The following MLLT3 variants were observed in gnomAD, a reference collection of about 807,000 sequenced individuals.
MLLT3 encodes the protein protein AF-9.
In MLLT3, 4 loss-of-function variants were observed where a neutral mutation model predicts 53.2. The observed-to-expected ratio is 0.08, with a 90% CI of 0.04 to 0.17. MLLT3 has a LOEUF of 0.17. MLLT3 is among the 10% of genes least tolerant of loss of function. The pLI is 1.00. For synonymous variants in MLLT3, 283 were observed against 230.6 expected (o/e 1.23, Z -2.06); for missense variants, 569 against 684.0 (o/e 0.83, Z 1.87).
chr9:20,373,320 T>A (rs1230893132), intron 5 of MLLT3, among the ~76,000 whole-genome samples: 2 of 152,194 alleles, frequency 1.3e-5, no homozygotes, highest in Admixed American at 6.5e-5. Context: ...TGCAATACAA[T>A]CTTCAACATT....
chr9:20,540,844 C>G (rs1053130902), intron 2 of MLLT3, among the ~76,000 whole-genome samples: 2 of 152,202 alleles, frequency 1.3e-5, no homozygotes, highest in Non-Finnish European at 2.9e-5. Flanking sequence ...TTCTTTTCTA[C>G]GACATGGTCA....
rs1389721091 is a variant in MLLT3, at chr9:20,566,010, AT to A, written c.193+54643del. Among the ~76,000 whole-genome samples the A allele has an allele frequency of 2.0e-3, 254 of 126,294 alleles. 4 individuals are homozygous for A. Among genetic ancestry groups the A allele is most frequent in the African/African-American group, 6.7e-3 (224 of 33,602 alleles). The allele number at this position is 126,294 out of a possible 152,430, so 82.9% of individuals were successfully genotyped here. On this transcript the variant is annotated intron_variant, in intron 2 of 10. Coordinates refer to ENST00000380338, the MANE Select transcript of MLLT3 (RefSeq NM_004529.4). ...TATTTATATATTTATTTATATATAT[AT>A]TTTTATATATATTTATTTATATTTA...
At chr9:20,484,765 T>C (rs1242049987) in intron 2 of MLLT3, among the ~76,000 whole-genome samples, 1 of 152,080 alleles carries the variant, frequency 6.6e-6, no homozygotes, top group African/African-American at 2.4e-5. Context: ...CCTAATATGG[T>C]GCTTAACCCA....
chr9:20,365,203 C>T (rs1419859361), intron 6 of MLLT3, among the ~76,000 whole-genome samples: 1 of 152,124 alleles, frequency 6.6e-6, no homozygotes, highest in Non-Finnish European at 1.5e-5. Context: ...TAGAGCCTTG[C>T]CTCGTACATC....
Position 20,621,556 on chromosome 9 carries a change from A to G in MLLT3, c.12+689T>C, listed in dbSNP as rs963543704. Among the ~76,000 whole-genome samples the G allele has an allele frequency of 6.7e-6, 1 of 150,146 alleles. No individual in the cohort carries two copies. The highest frequency in any genetic ancestry group is 1.5e-5 in the Non-Finnish European group (1 of 67,394). On this transcript the variant is annotated intron_variant, in intron 1 of 10. Transcript: ENST00000380338. This position sits in a 1 kb window ranked among gnomAD's most constrained non-coding sequence, Gnocchi z 7.0. The stretch of plus-strand genomic sequence containing the variant: ...GCGATCGGCGAGGCCAGTCGAACCG[A>G]GCCCCCGCAACACACTTTCAAGAGC...
chr9:20,365,793 C>A lies in MLLT3; in HGVS notation c.1126-49G>T, dbSNP rs773927827. 5 of 1,589,300 alleles carry A rather than the reference C, an allele frequency of 3.1e-6. No individual in the cohort carries two copies. The Admixed American group carries it at 8.4e-5, about 27-fold the overall frequency. ...CCATCAATAAATTTACGGGATACCACACATCTAAAGTTGAAAACAGTATTG... is the reference window on the plus strand; with the variant it reads ...CCATCAATAAATTTACGGGATACCAAACATCTAAAGTTGAAAACAGTATTG... On this transcript the variant is annotated intron_variant, in intron 5 of 10. Transcript: ENST00000380338.
chr9:20,426,368 G>A (rs1312161102), intron 4 of MLLT3, among the ~76,000 whole-genome samples: 1 of 152,106 alleles, frequency 6.6e-6, no homozygotes, highest in African/African-American at 2.4e-5. Flanking sequence ...GTACTAGCTT[G>A]ATTTCTGATA....
intron 4 of MLLT3, among the ~76,000 whole-genome samples, chr9:20,441,152 G>A (rs1435628182): frequency 6.6e-6 from 1 of 152,056 alleles, no homozygotes; most frequent in East Asian, 1.9e-4. Flanking sequence ...TGGAAAGTTT[G>A]CTCCTGTTTT....
chr9:20,525,300 C>T (rs1184169876), intron 2 of MLLT3, among the ~76,000 whole-genome samples: 1 of 152,020 alleles, frequency 6.6e-6, no homozygotes, highest in Non-Finnish European at 1.5e-5. Flanking sequence ...AGTTTGAGAC[C>T]AGTCTGGCCA....
chr9:20,615,185 AAC>A (rs1340139531), intron 2 of MLLT3, among the ~76,000 whole-genome samples: 5 of 151,148 alleles, frequency 3.3e-5, no homozygotes, highest in Admixed American at 6.6e-5. Flanking sequence ...CTCTACCAAA[AAC>A]ACACACACAC....
chr9:20,437,900 G>C (rs967476229), intron 4 of MLLT3, among the ~76,000 whole-genome samples: 11 of 152,196 alleles, frequency 7.2e-5, no homozygotes, highest in South Asian at 4.2e-4. Context: ...TATTCAGCTG[G>C]TCCTCTAGTT....
rs1193345994 is a variant in MLLT3 at position 20,343,139 on chromosome 9, TTC to T, written c.*3302_*3303del. ...TGTTATACAGGCCTAAAATTGTTTC[TTC>T]TCTTTTTTTTAAAGATTAGGTGGGC... is the stretch of plus-strand genomic sequence containing the variant. On this transcript the variant is annotated 3_prime_UTR_variant, in exon 11 of 11. Coordinates refer to ENST00000380338, the MANE Select transcript of MLLT3 (RefSeq NM_004529.4). 1 of 173,178 alleles carries T rather than the reference TTC, an allele frequency of 5.8e-6. No individual in the cohort carries two copies. The highest frequency in any genetic ancestry group is 1.2e-5 in the Non-Finnish European group (1 of 84,342). 10.7% of individuals were successfully genotyped at this position (173,178 alleles called of 1,614,324 possible).
intron 2 of MLLT3, among the ~76,000 whole-genome samples, chr9:20,528,178 C>T (rs1310172669): frequency 2.0e-5 from 3 of 152,226 alleles, no homozygotes; most frequent in African/African-American, 2.4e-5. Context: ...CTAATGATTT[C>T]CATCTTTATC....
intron 2 of MLLT3, among the ~76,000 whole-genome samples, chr9:20,581,679 A>G (rs1341455341): frequency 6.6e-6 from 1 of 152,166 alleles, no homozygotes; most frequent in Non-Finnish European, 1.5e-5. Flanking sequence ...TTGATGAAGC[A>G]CCTTAAACTA....
chr9:20,401,801 T>C (rs1193216582), intron 5 of MLLT3, among the ~76,000 whole-genome samples: 1 of 152,198 alleles, frequency 6.6e-6, no homozygotes, highest in Non-Finnish European at 1.5e-5. Flanking sequence ...GGCATGTTAC[T>C]GTTATAATAA....
At chr9:20,410,252 T>A (rs1273015043) in intron 5 of MLLT3, among the ~76,000 whole-genome samples, 1 of 152,190 alleles carries the variant, frequency 6.6e-6, no homozygotes, top group Non-Finnish European at 1.5e-5. Context: ...GAAAAAATCT[T>A]GAGTTTGAAA....
At position 20,563,776 on chromosome 9, in the gene MLLT3, T is replaced by C. The variant is rs572290031; in HGVS notation, c.193+56878A>G. ...AGATTTCTGTACTTGACCTTCTTTA[T>C]GTGGGAAAGACGTTGGCGTCCAACA... On this transcript the variant is annotated intron_variant, in intron 2 of 10. Transcript: ENST00000380338. 2.0e-5 allele frequency among the ~76,000 whole-genome samples: 3 copies of C among 152,228 alleles called. No homozygotes were observed. The South Asian group carries it at 6.2e-4, about 32-fold the overall frequency.
At chr9:20,567,365 T>C (rs373406015) in intron 2 of MLLT3, among the ~76,000 whole-genome samples, 3 of 141,790 alleles carry the variant, frequency 2.1e-5, no homozygotes, top group African/African-American at 7.9e-5. Flanking sequence ...CAACTCAATA[T>C]AGAAGTATAA....
rs533362271 is a variant in MLLT3 at position 20,501,139 on chromosome 9, A to G, written c.194-44353T>C. ...AGTTAAAATGCCTAGGAATTACTAT[A>G]TTTCCCTTTCTACTTCCATAAATCA... is the stretch of plus-strand genomic sequence containing the variant. On this transcript the variant is annotated intron_variant, in intron 2 of 10. Coordinates refer to ENST00000380338, the MANE Select transcript of MLLT3 (RefSeq NM_004529.4). Among the ~76,000 whole-genome samples, 4 of 152,316 alleles carry G rather than the reference A, an allele frequency of 2.6e-5. No individual in the cohort carries two copies. In the East Asian group the frequency reaches 5.8e-4, roughly 22 times the overall value.
Sources: gnomAD v4.1 joint callset for allele counts (sites outside exome capture counted in the v4.1 genomes callset) on GRCh38, gnomAD v4.1.1 for gene constraint, Gnocchi (gnomAD v3.1) non-coding constraint, MANE v1.5 for transcripts, NCBI Gene and HGNC (gene_info 2026-07-23, HGNC 2026-07-21) for gene names.